NUP155: variants seen among roughly 807,000 people sequenced by gnomAD.
NUP155 encodes nuclear pore complex protein Nup155.
A neutral mutation model predicts 180.4 loss-of-function variants in NUP155; 71 were observed. The observed-to-expected ratio is 0.39, with a 90% CI of 0.33 to 0.48. The LOEUF is 0.48. Among genes scored for constraint, NUP155 ranks in the 20% least tolerant of loss-of-function variants. The pLI is 0.91. For missense variants in NUP155, 1,553 were observed against 1,648.9 expected (o/e 0.94, Z 1.01); for synonymous variants, 582 against 559.5 (o/e 1.04, Z -0.57).
chr5:37,369,948 T>G (rs928124234), intron 1 of NUP155, among the ~76,000 whole-genome samples: 13 of 152,228 alleles, frequency 8.5e-5, no homozygotes, highest in Non-Finnish European at 1.5e-4. Flanking sequence ...TCACCTATAT[T>G]GTCAACACAT....
At chr5:37,356,075 T>C (rs939422028) in intron 4 of NUP155, among the ~76,000 whole-genome samples, 2 of 150,494 alleles carry the variant, frequency 1.3e-5, no homozygotes, top group African/African-American at 4.9e-5. Context: ...ACTAAAAATA[T>C]AAAATTAGCC....
Position 37,357,998 on chromosome 5 carries a change from A to C in NUP155, c.463+83T>G. ...ATGGAACGAGACTCCATCTCGAAAA[A>C]AATGTGTGTTGTTGTTCAGGTCTAT... On this transcript the variant is annotated intron_variant, in intron 4 of 34. Coordinates refer to ENST00000231498, the MANE Select transcript of NUP155 (RefSeq NM_153485.3). The C allele has an allele frequency of 6.1e-6, 6 of 991,254 alleles. No homozygotes were observed. The South Asian group carries it at 7.6e-5, about 13-fold the overall frequency. 61.4% of individuals were successfully genotyped at this position (991,254 alleles called of 1,614,324 possible). A position where few individuals can be genotyped will look rare whatever the true frequency, so the allele number is the denominator to read the frequency against.
rs1185981511 is a variant in NUP155, at chr5:37,351,244, A to C, written c.669T>G (p.Asn223Lys). ...TYLLTITSTD[N>K]GRIFLAGKDG... ...CCTTTCCAGCCAAGAAAATTCTGCC[A>C]TTATCAGTGGAAGTTATTGTTAAAA... is the stretch of plus-strand genomic sequence containing the variant. The change falls in exon 6 of 35, where the codon AAT becomes AAG. Residue 223 changes from asparagine to lysine, a missense_variant. Coordinates refer to ENST00000231498, the MANE Select transcript of NUP155 (RefSeq NM_153485.3). 3 of 1,613,912 alleles carry C rather than the reference A, an allele frequency of 1.9e-6. No homozygotes were observed. Among genetic ancestry groups the C allele is most frequent in the South Asian group, 2.2e-5 (2 of 91,084 alleles).
chr5:37,369,677 T>C (rs1440154539), intron 1 of NUP155, among the ~76,000 whole-genome samples: 1 of 152,218 alleles, frequency 6.6e-6, no homozygotes, highest in African/African-American at 2.4e-5. Flanking sequence ...AATACTATCT[T>C]TGTTTCTATC....
chr5:37,293,003 T>A lies in NUP155; in HGVS notation c.3931-18A>T. The A allele has an allele frequency of 6.7e-7, 1 of 1,486,460 alleles. No homozygotes were observed. The highest frequency in any genetic ancestry group is 9.4e-7 in the Non-Finnish European group (1 of 1,063,974). The allele number at this position is 1,486,460 out of a possible 1,614,324, so 92.1% of individuals were successfully genotyped here. ...AATGGATCCTATGAAGAAATATACATAATGAAATGTGAGGCAAATTGTGTC... is the reference window on the plus strand; with the variant it reads ...AATGGATCCTATGAAGAAATATACAAAATGAAATGTGAGGCAAATTGTGTC... On this transcript the variant is annotated intron_variant, in intron 33 of 34. Coordinates refer to ENST00000231498, the MANE Select transcript of NUP155 (RefSeq NM_153485.3).
At position 37,314,242 on chromosome 5, in the gene NUP155, G is replaced by A. The variant is rs1173135097; in HGVS notation, c.2392C>T (p.Leu798Phe). 1 of 1,610,828 alleles carries A rather than the reference G, an allele frequency of 6.2e-7. No individual in the cohort carries two copies. The highest frequency in any genetic ancestry group is 8.5e-7 in the Non-Finnish European group (1 of 1,177,500). The stretch of plus-strand genomic sequence containing the variant: ...ATGATAGTGAATTGATGTTCACAAA[G>A]AAGTTTCCATAAAGCCAGAGCCTGA... ...SYQALALWKL[L>F]CEHQFTIIVA... The change falls in exon 22 of 35, where the codon CTT (leucine) becomes TTT (phenylalanine). Residue 798 changes from leucine to phenylalanine, a missense_variant. Transcript: ENST00000231498.
At chr5:37,331,920 G>T in intron 13 of NUP155, 125 bp from the exon 14 acceptor site, 1 of 687,906 alleles carries the variant, frequency 1.5e-6, no homozygotes, top group Non-Finnish European at 2.6e-6. Context: ...ATACAAAGTA[G>T]GCTGGGTATG....
In NUP155 at chr5:37,358,300, G is replaced by T. The variant is rs568510167; in HGVS notation, c.393-149C>A. 5.6e-4 allele frequency: 377 copies of T among 668,690 alleles called. 2 individuals are homozygous for T. Among genetic ancestry groups the T allele is most frequent in the South Asian group, 5.6e-3 (368 of 66,218 alleles). 41.4% of individuals were successfully genotyped at this position (668,690 alleles called of 1,614,324 possible). The stretch of plus-strand genomic sequence containing the variant: ...TCAAGACCAGCCTGGGCAACATAGT[G>T]AGACTGTCTCTACAAAAAAGAAACA... On this transcript the variant is annotated intron_variant, in intron 3 of 34. Transcript: ENST00000231498.
At chr5:37,314,636 G>C (rs192685891) in intron 21 of NUP155, among the ~76,000 whole-genome samples, 12 of 151,056 alleles carry the variant, frequency 7.9e-5, no homozygotes, top group Admixed American at 7.9e-4. Flanking sequence ...AGGAGATCGA[G>C]ACCGTCCTGG....
chr5:37,307,475 A>G, intron 24 of NUP155, 43 bp from the exon 25 acceptor site: 1 of 1,598,124 alleles, frequency 6.3e-7, no homozygotes, highest in Non-Finnish European at 8.6e-7. Flanking sequence ...CTTACTACTA[A>G]GTTGGATACA....
chr5:37,354,961 G>A (rs1314231237), intron 4 of NUP155, among the ~76,000 whole-genome samples: 1 of 151,528 alleles, frequency 6.6e-6, no homozygotes, highest in South Asian at 2.1e-4. Flanking sequence ...GCCTGCTGGC[G>A]GGCGCCTGTA....
chr5:37,365,752 T>TACACACACACAC (rs372031424), intron 1 of NUP155, among the ~76,000 whole-genome samples: 134 of 37,834 alleles, frequency 3.5e-3, no homozygotes, highest in African/African-American at 7.1e-3. Context: ...TATATATATA[T>TACACACACACAC]ACACACACAC....
chr5:37,297,425 T>G (rs1450178088), intron 32 of NUP155, among the ~76,000 whole-genome samples: 1 of 152,154 alleles, frequency 6.6e-6, no homozygotes, highest in African/African-American at 2.4e-5. Flanking sequence ...GTCACTGAGG[T>G]TGGAGTGCAG....
chr5:37,364,533 G>C, intron 1 of NUP155, 149 bp from the exon 2 acceptor site: 1 of 714,480 alleles, frequency 1.4e-6, no homozygotes, highest in South Asian at 1.6e-5. Context: ...AAGTAGTCCT[G>C]AAATATTCCC....
intron 13 of NUP155, among the ~76,000 whole-genome samples, chr5:37,332,449 G>T (rs551765830): frequency 1.2e-4 from 18 of 150,916 alleles, no homozygotes; most frequent in African/African-American, 4.4e-4. Flanking sequence ...AGCCTCCCGA[G>T]TAGCTGTGAC....
At position 37,291,984 on chromosome 5, in the gene NUP155, G is replaced by C. The variant is rs901084970; in HGVS notation, c.4092C>G (p.Leu1364=). 1.2e-6 allele frequency: 2 copies of C among 1,613,912 alleles called. No homozygotes were observed. The highest frequency in any genetic ancestry group is 1.7e-6 in the Non-Finnish European group (2 of 1,179,948). Residue 1364 remains leucine (L), a synonymous_variant, in exon 35 of 35, where the codon CTC becomes CTG. Transcript: ENST00000231498. ...CTGCTACTGACGAGCTCATAGACTGGAGCTCAACAAGGTAACCACAAACAG... is the reference window on the plus strand; with the variant it reads ...CTGCTACTGACGAGCTCATAGACTGCAGCTCAACAAGGTAACCACAAACAG... ...LDAVCGYLVE[L]QSMSSSVAVQ...
intron 24 of NUP155, among the ~76,000 whole-genome samples, chr5:37,307,849 G>A (rs1458062053): frequency 2.0e-5 from 3 of 150,826 alleles, no homozygotes; most frequent in East Asian, 1.9e-4. Flanking sequence ...TTGAACTAGC[G>A]AGGCAGAGGT....
chr5:37,350,378 A>C, intron 6 of NUP155, 113 bp from the exon 7 acceptor site: 4 of 711,178 alleles, frequency 5.6e-6, no homozygotes, highest in Non-Finnish European at 7.5e-6. Flanking sequence ...ACCAGTTATA[A>C]TCACTAATAC....
intron 31 of NUP155, 80 bp from the exon 32 acceptor site, chr5:37,299,058 C>A: frequency 1.2e-6 from 1 of 834,540 alleles, no homozygotes; most frequent in Non-Finnish European, 2.0e-6. Context: ...AATTCTGTTT[C>A]AAGGTTCAAA....
Sources: gnomAD v4.1 joint callset for allele counts (sites outside exome capture counted in the v4.1 genomes callset) on GRCh38, gnomAD v4.1.1 for gene constraint, MANE v1.5 for transcripts, NCBI Gene and HGNC (gene_info 2026-07-23, HGNC 2026-07-21) for gene names.